PBX1: variants seen among roughly 807,000 people sequenced by gnomAD.
PBX1 encodes the protein PBX homeobox 1, also known as pre-B-cell leukemia transcription factor 1.
In PBX1, 6 loss-of-function variants were observed where a neutral mutation model predicts 53.4. That is an observed-to-expected ratio of 0.11 (90% CI 0.06 to 0.22). The LOEUF (loss-of-function observed/expected upper bound fraction) is 0.22, where lower values mean the gene tolerates loss of function less well. PBX1 is among the 10% of genes least tolerant of loss of function. The probability of loss-of-function intolerance (pLI) is 1.00; values close to 1 mark genes in which losing one functional copy is unlikely to be tolerated. For synonymous variants in PBX1, 204 were observed against 212.3 expected, an observed-to-expected ratio of 0.96 and a Z score of 0.34; for missense variants, 251 against 551.4, an observed-to-expected ratio of 0.46 and a Z score of 5.46.
rs1291184390 is a variant in PBX1, at chr1:164,847,842, T to G, written c.*1166T>G. ...CTAGCGTGCACTTACCAGAATGGCA[T>G]ACACAGGACCTGATCATGAGGAAGA... On this transcript the variant is annotated 3_prime_UTR_variant, in exon 9 of 9. Transcript: ENST00000420696. 9.5e-7 allele frequency: 1 copy of G among 1,055,138 alleles called. No individual in the cohort carries two copies. The highest frequency in any genetic ancestry group is 1.1e-6 in the Non-Finnish European group (1 of 872,936). The allele number at this position is 1,055,138 out of a possible 1,614,324, so 65.4% of individuals were successfully genotyped here.
At chr1:164,656,025 G>A (rs2792248) in intron 2 of PBX1, among the ~76,000 whole-genome samples, 105,508 of 152,070 alleles carry the variant, frequency 0.69, 37,407 homozygotes, top group Non-Finnish European at 0.76. Context: ...ATTGCAGGTG[G>A]AGAATGGAAT....
chr1:164,727,636 A>T (rs1011864713), intron 2 of PBX1, among the ~76,000 whole-genome samples: 1 of 152,248 alleles, frequency 6.6e-6, no homozygotes, highest in African/African-American at 2.4e-5. Flanking sequence ...CCCATGCACT[A>T]GAGATGAATC....
chr1:164,801,802 T>G (rs1341320876), intron 4 of PBX1, among the ~76,000 whole-genome samples: 1 of 152,248 alleles, frequency 6.6e-6, no homozygotes, highest in Non-Finnish European at 1.5e-5. Flanking sequence ...ATCATTTCAT[T>G]TTGGGGGTAT....
rs147638800 is a variant in PBX1 at position 164,847,522 on chromosome 1, C to A, written c.*846C>A. The stretch of plus-strand genomic sequence containing the variant: ...AGAAAGCAATATTTAGAACCTATTG[C>A]AAAACTGGGCCTGAGTTAGGCATGG... On this transcript the variant is annotated 3_prime_UTR_variant, in exon 9 of 9. Coordinates refer to ENST00000420696, the MANE Select transcript of PBX1 (RefSeq NM_002585.4). The A allele has an allele frequency of 7.5e-6, 8 of 1,061,824 alleles. No individual in the cohort carries two copies. Among genetic ancestry groups the A allele is most frequent in the Non-Finnish European group, 9.1e-6 (8 of 877,146 alleles). The allele number at this position is 1,061,824 out of a possible 1,614,324, so 65.8% of individuals were successfully genotyped here.
At chr1:164,583,656 C>T (rs1654772681) in intron 2 of PBX1, among the ~76,000 whole-genome samples, 1 of 152,352 alleles carries the variant, frequency 6.6e-6, no homozygotes, top group African/African-American at 2.4e-5. Context: ...AAGCAAATAA[C>T]TACCACAACT....
intron 2 of PBX1, among the ~76,000 whole-genome samples, chr1:164,608,414 G>A (rs1379635991): frequency 2.0e-5 from 3 of 152,146 alleles, no homozygotes; most frequent in African/African-American, 7.2e-5. Context: ...TATGCGGAGT[G>A]TACTGGTTAA....
At chr1:164,640,556 G>GTTTTTTTTTT (rs1272033438) in intron 2 of PBX1, among the ~76,000 whole-genome samples, 14 of 30,688 alleles carry the variant, frequency 4.6e-4, no homozygotes, top group Non-Finnish European at 1.0e-3. Context: ...TTTTTTTTTT[G>GTTTTTTTTTT]TGTTTTTTTT....
chr1:164,704,058 T>C (rs1663284538), intron 2 of PBX1, among the ~76,000 whole-genome samples: 1 of 152,136 alleles, frequency 6.6e-6, no homozygotes, highest in African/African-American at 2.4e-5. Flanking sequence ...AATAGATGCT[T>C]GTCAGAAATA....
intron 2 of PBX1, among the ~76,000 whole-genome samples, chr1:164,737,759 G>A (rs1270873209): frequency 2.6e-5 from 4 of 152,098 alleles, no homozygotes; most frequent in Non-Finnish European, 5.9e-5. Context: ...GATTACAGGC[G>A]TGAGCCACTG....
At chr1:164,675,626 A>C (rs983786266) in intron 2 of PBX1, among the ~76,000 whole-genome samples, 1 of 152,086 alleles carries the variant, frequency 6.6e-6, no homozygotes, top group Non-Finnish European at 1.5e-5. Context: ...CACCATTATG[A>C]GGGATCATGC....
intron 2 of PBX1, among the ~76,000 whole-genome samples, chr1:164,649,519 A>C (rs1237800974): frequency 6.6e-6 from 1 of 152,092 alleles, no homozygotes; most frequent in Non-Finnish European, 1.5e-5. Context: ...TCCCCCCAGT[A>C]TGCGAAAGTG....
chr1:164,571,918 C>CT (rs536497681), intron 2 of PBX1, among the ~76,000 whole-genome samples: 14,402 of 42,632 alleles, frequency 0.34, 2,581 homozygotes, highest in East Asian at 0.76. Flanking sequence ...TATATATATG[C>CT]TTTTTTTTTT....
intron 2 of PBX1, among the ~76,000 whole-genome samples, chr1:164,781,982 T>G (rs1170915541): frequency 6.6e-6 from 1 of 152,238 alleles, no homozygotes; most frequent in East Asian, 1.9e-4. Context: ...AGAAATAATT[T>G]GTATTAGCTT....
chr1:164,834,029 A>ATGTGTGTGTGTGTG (rs35739146), intron 8 of PBX1, among the ~76,000 whole-genome samples: 11,334 of 128,004 alleles, frequency 0.089, 605 homozygotes, highest in Non-Finnish European at 0.099. Flanking sequence ...ATATATGTAT[A>ATGTGTGTGTGTGTG]TGTGTGTGTG....
intron 2 of PBX1, among the ~76,000 whole-genome samples, chr1:164,870,541 G>A (rs1255942901): frequency 6.6e-6 from 1 of 151,490 alleles, no homozygotes; most frequent in Non-Finnish European, 1.5e-5. Flanking sequence ...ACGGGGTTTC[G>A]CCATGTTGCC....
At chr1:164,711,816 CGT>C (rs1663799704) in intron 2 of PBX1, among the ~76,000 whole-genome samples, 1 of 152,208 alleles carries the variant, frequency 6.6e-6, no homozygotes, top group Non-Finnish European at 1.5e-5. Context: ...ATTCAGCCAT[CGT>C]GTGCTGAAAG....
At chr1:164,620,693 T>TC (rs1194028302) in intron 2 of PBX1, among the ~76,000 whole-genome samples, 50 of 152,232 alleles carry the variant, frequency 3.3e-4, no homozygotes, top group Admixed American at 2.3e-3. Flanking sequence ...TCTTTTCTTT[T>TC]TTTTTTTGTG....
At chr1:164,660,704 G>C (rs1660437719) in intron 2 of PBX1, among the ~76,000 whole-genome samples, 1 of 152,090 alleles carries the variant, frequency 6.6e-6, no homozygotes. Flanking sequence ...CATCATCCTT[G>C]ACTACAGCTC....
intron 2 of PBX1, among the ~76,000 whole-genome samples, chr1:164,624,251 G>T (rs1416265394): frequency 6.6e-6 from 1 of 152,128 alleles, no homozygotes; most frequent in Non-Finnish European, 1.5e-5. Flanking sequence ...ATTTGTAATG[G>T]GAGAGGTACA....
Sources: allele counts gnomAD v4.1 joint callset (sites outside exome capture counted in the v4.1 genomes callset), GRCh38; gene constraint gnomAD v4.1.1; transcripts MANE v1.5; gene names NCBI Gene and HGNC (gene_info 2026-07-23, HGNC 2026-07-21).